The following RAB38 variants were observed in gnomAD, a reference collection of about 807,000 sequenced individuals.
RAB38 encodes the protein ras-related protein Rab-38.
A neutral mutation model predicts 18.4 loss-of-function variants in RAB38; 15 were observed. The ratio of observed to expected loss-of-function variants is 0.82; its 90% CI spans 0.55 to 1.26. RAB38 has a LOEUF of 1.26. RAB38 is among the 50% of genes most tolerant of loss of function. RAB38 has a pLI of 0.00. For missense variants in RAB38, 294 were observed against 267.4 expected, an observed-to-expected ratio of 1.10 and a Z score of -0.69; for synonymous variants, 101 against 104.4, an observed-to-expected ratio of 0.97 and a Z score of 0.20.
the RAB38 span, among the ~76,000 whole-genome samples, chr11:88,073,056 T>A: frequency 6.6e-6 from 1 of 152,162 alleles, no homozygotes; most frequent in Middle Eastern, 3.2e-3. Flanking sequence ...AAAATCTCCC[T>A]TTGACTCCTG....
chr11:87,828,489 C>T, the RAB38 span, among the ~76,000 whole-genome samples: 2 of 152,138 alleles, frequency 1.3e-5, no homozygotes, highest in African/African-American at 2.4e-5. Context: ...TGCATCCTTT[C>T]CTCCTGCCAT....
chr11:88,144,940 A>G (rs377597336), intron 2 of RAB38, among the ~76,000 whole-genome samples: 1 of 152,106 alleles, frequency 6.6e-6, no homozygotes, highest in Non-Finnish European at 1.5e-5. Context: ...CCACTCCATT[A>G]TGTGAGCAGA....
At chr11:88,023,718 T>G in the RAB38 span, among the ~76,000 whole-genome samples, 4 of 151,958 alleles carry the variant, frequency 2.6e-5, no homozygotes, top group Non-Finnish European at 5.9e-5. Flanking sequence ...AGGAACAGAA[T>G]AGAGAACCCA....
At chr11:87,881,600 G>A in the RAB38 span, among the ~76,000 whole-genome samples, 19 of 151,834 alleles carry the variant, frequency 1.3e-4, no homozygotes, top group Non-Finnish European at 2.5e-4. Flanking sequence ...ACTAGTCTGT[G>A]AGTAAGCATA....
At chr11:88,170,037 CAA>C (rs1943290997) in intron 1 of RAB38, among the ~76,000 whole-genome samples, 2 of 152,186 alleles carry the variant, frequency 1.3e-5, no homozygotes, top group Non-Finnish European at 2.9e-5. Context: ...CTCCCACTCT[CAA>C]ATGCCTTAGC....
chr11:87,928,522 A>T, the RAB38 span, among the ~76,000 whole-genome samples: 1 of 152,188 alleles, frequency 6.6e-6, no homozygotes. Context: ...AATTTTAAGT[A>T]AAATGTTGAG....
chr11:87,957,540 T>C, the RAB38 span, among the ~76,000 whole-genome samples: 3 of 152,160 alleles, frequency 2.0e-5, no homozygotes, highest in South Asian at 2.1e-4. Context: ...TAGAATCTAA[T>C]AGTAATCAAC....
intron 2 of RAB38, among the ~76,000 whole-genome samples, chr11:88,114,873 T>G (rs981115919): frequency 2.6e-5 from 4 of 152,220 alleles, no homozygotes; most frequent in African/African-American, 4.8e-5. Context: ...ATGATGATCT[T>G]TGCTATTTTA....
the RAB38 span, among the ~76,000 whole-genome samples, chr11:88,030,858 A>G: frequency 6.6e-6 from 1 of 151,966 alleles, no homozygotes; most frequent in African/African-American, 2.4e-5. Flanking sequence ...AAAAGAGGGA[A>G]TCCTCCCTAA....
At chr11:88,126,973 C>T (rs966110267) in intron 2 of RAB38, among the ~76,000 whole-genome samples, 11 of 152,122 alleles carry the variant, frequency 7.2e-5, no homozygotes, top group Non-Finnish European at 8.8e-5. Context: ...ATTGTTAAGT[C>T]ATATATGAGA....
the RAB38 span, among the ~76,000 whole-genome samples, chr11:87,928,773 ATAAG>A: frequency 6.6e-6 from 1 of 152,066 alleles, no homozygotes; most frequent in Non-Finnish European, 1.5e-5. Flanking sequence ...AATAAAAAGA[ATAAG>A]TAACACTAAA....
chr11:87,917,755 A>C, the RAB38 span, among the ~76,000 whole-genome samples: 2 of 151,924 alleles, frequency 1.3e-5, no homozygotes, highest in Non-Finnish European at 1.5e-5. Context: ...GAGGTTTTCT[A>C]CCCTCATAGC....
At chr11:88,100,610 A>G in the RAB38 span, among the ~76,000 whole-genome samples, 4 of 152,000 alleles carry the variant, frequency 2.6e-5, no homozygotes, top group Admixed American at 2.6e-4. Context: ...TATTAGAATT[A>G]TAGTTTATGC....
chr11:87,849,353 CTA>C, the RAB38 span, among the ~76,000 whole-genome samples: 160 of 152,258 alleles, frequency 1.1e-3, no homozygotes, highest in Non-Finnish European at 2.0e-3. Flanking sequence ...TTCATCTGGG[CTA>C]TGAGTTATGT....
At chr11:88,080,968 C>T in the RAB38 span, among the ~76,000 whole-genome samples, 3 of 151,706 alleles carry the variant, frequency 2.0e-5, no homozygotes, top group African/African-American at 7.3e-5. Flanking sequence ...ATACTTACAA[C>T]TCAATAGGAA....
chr11:87,976,652 A>G, the RAB38 span, among the ~76,000 whole-genome samples: 12 of 104,050 alleles, frequency 1.2e-4, no homozygotes, highest in South Asian at 3.0e-4. Flanking sequence ...TATGATATAT[A>G]AATATATATA....
the RAB38 span, among the ~76,000 whole-genome samples, chr11:88,007,397 A>C: frequency 2.0e-5 from 3 of 150,934 alleles, no homozygotes; most frequent in Non-Finnish European, 4.5e-5. Context: ...TGTATCCTAA[A>C]TAGCTAAATA....
the RAB38 span, among the ~76,000 whole-genome samples, chr11:88,044,504 C>A: frequency 2.6e-5 from 4 of 152,152 alleles, no homozygotes; most frequent in Non-Finnish European, 4.4e-5. Context: ...ACCTGAACAC[C>A]TTATTTTCTT....
At chr11:87,913,794 T>C in the RAB38 span, among the ~76,000 whole-genome samples, 1 of 152,124 alleles carries the variant, frequency 6.6e-6, no homozygotes, top group Admixed American at 6.6e-5. Context: ...ATATATCTAC[T>C]TCCCCTTGAC....
Sources: gnomAD v4.1 joint callset for allele counts (sites outside exome capture counted in the v4.1 genomes callset) on GRCh38, gnomAD v4.1.1 for gene constraint, MANE v1.5 for transcripts, NCBI Gene and HGNC (gene_info 2026-07-23, HGNC 2026-07-21) for gene names.